Variants in ELL2 observed in about 807,000 individuals in gnomAD.
ELL2 encodes elongation factor for RNA polymerase II 2.
Under a neutral mutation model 72.8 loss-of-function variants are expected in ELL2, and 21 were observed. The ratio of observed to expected loss-of-function variants is 0.29; its 90% CI spans 0.20 to 0.42. ELL2 has a LOEUF of 0.42. Among genes scored for constraint, ELL2 ranks in the 10% least tolerant of loss-of-function variants. The probability of loss-of-function intolerance (pLI) is 1.00; values close to 1 mark genes in which losing one functional copy is unlikely to be tolerated. For missense variants in ELL2, 568 were observed against 772.8 expected (o/e 0.73, Z 3.14); for synonymous variants, 266 against 283.2 (o/e 0.94, Z 0.61).
Position 95,906,651 on chromosome 5 carries a change from G to A in ELL2, c.613C>T (p.Pro205Ser), listed in dbSNP as rs915979908. 6.2e-7 allele frequency: 1 copy of A among 1,613,972 alleles called. No individual in the cohort carries two copies. Among genetic ancestry groups the A allele is most frequent in the African/African-American group, 1.3e-5 (1 of 74,898 alleles). ...AAGTGAATCACCCTGTCCCTGTATG[G>A]CCTCTGAGAGATGGTGCTGCTGCTA... Reference protein sequence around the residue: ...THSSSTISQRPYRDRVIHLLA... With the variant: ...THSSSTISQRSYRDRVIHLLA... Residue 205 changes from proline to serine, a missense_variant, in exon 5 of 12, where the codon CCA becomes TCA. Physicochemically the swap from Pro to Ser is moderately conservative, Grantham distance 74. Transcript: ENST00000237853.
Position 95,888,720 on chromosome 5 carries a change from A to G in ELL2, c.*151T>C, listed in dbSNP as rs1748547573. 1.9e-6 allele frequency: 1 copy of G among 528,422 alleles called. No individual in the cohort carries two copies. Among genetic ancestry groups the G allele is most frequent in the Admixed American group, 4.0e-5 (1 of 25,152 alleles). 32.7% of individuals were successfully genotyped at this position (528,422 alleles called of 1,614,324 possible). A position where few individuals can be genotyped will look rare whatever the true frequency, so the allele number is the denominator to read the frequency against. On this transcript the variant is annotated 3_prime_UTR_variant, in exon 12 of 12. Coordinates refer to ENST00000237853, the MANE Select transcript of ELL2 (RefSeq NM_012081.6). Reference sequence around the variant, plus strand: ...GCAGCTTCGAAATGCAGGGAAGCAAAGTAAAATGGAAAAGAAAAAGTAACT... The same window carrying G: ...GCAGCTTCGAAATGCAGGGAAGCAAGGTAAAATGGAAAAGAAAAAGTAACT...
Position 95,927,406 on chromosome 5 carries a change from CACGT to C in ELL2, c.196-7865_196-7862del, listed in dbSNP as rs1365755330. Among the ~76,000 whole-genome samples, 4 of 43,772 alleles carry C rather than the reference CACGT, an allele frequency of 9.1e-5. 2 individuals carry two copies. Among genetic ancestry groups the C allele is most frequent in the Non-Finnish European group, 1.6e-4 (4 of 25,502 alleles). The allele number at this position is 43,772 out of a possible 152,430, so 28.7% of individuals were successfully genotyped here. A position where few individuals can be genotyped will look rare whatever the true frequency, so the allele number is the denominator to read the frequency against. On this transcript the variant is annotated intron_variant, in intron 2 of 11. Transcript: ENST00000237853. ...ACGTGTGTATATATAGACATACACA[CACGT>C]GTGTATATAGACATACACACACACG... is the stretch of plus-strand genomic sequence containing the variant.
intron 1 of ELL2, among the ~76,000 whole-genome samples, chr5:95,944,307 C>A (rs942582589): frequency 1.4e-4 from 21 of 152,116 alleles, no homozygotes; most frequent in African/African-American, 5.1e-4. Flanking sequence ...AAACAAATAT[C>A]TTCTTGGAGA....
intron 8 of ELL2, among the ~76,000 whole-genome samples, chr5:95,896,561 T>C (rs1372235266): frequency 2.0e-5 from 3 of 152,218 alleles, no homozygotes; most frequent in Non-Finnish European, 4.4e-5. Flanking sequence ...ACATAGACTC[T>C]GAGTGCATGC....
At chr5:95,949,577 G>A (rs949785623) in intron 1 of ELL2, among the ~76,000 whole-genome samples, 2 of 151,810 alleles carry the variant, frequency 1.3e-5, no homozygotes, top group African/African-American at 4.8e-5. Flanking sequence ...GTTAACTCTT[G>A]AATTATTCTT....
At chr5:95,957,632 T>C (rs1001213817) in intron 1 of ELL2, among the ~76,000 whole-genome samples, 1 of 152,212 alleles carries the variant, frequency 6.6e-6, no homozygotes, top group African/African-American at 2.4e-5. Flanking sequence ...ACTCCAACTA[T>C]AACTCTCATT....
In ELL2 at chr5:95,898,666, G is replaced by T. The variant is rs576028985; in HGVS notation, c.1099C>A (p.Pro367Thr). Residue 367 changes from proline to threonine, a missense_variant, in exon 8 of 12, where the codon CCT becomes ACT. Around this residue, in one of 2 missense-constraint regions of ELL2, gnomAD observed 511 missense variants for 728.4 expected, o/e 0.70. Transcript: ENST00000237853. ...GGGGTAGGGATGGCAGCAGCCGCAG[G>T]GGGCAGCGGGAGGCCTGCAGCAGAT... ...EKSAAGLPLP[P>T]AAAAIPTPPP... The T allele has an allele frequency of 2.5e-6, 4 of 1,613,014 alleles. No individual in the cohort carries two copies. Among genetic ancestry groups the T allele is most frequent in the Non-Finnish European group, 3.4e-6 (4 of 1,179,444 alleles).
chr5:95,927,489 G>GTA (rs756689250), intron 2 of ELL2, among the ~76,000 whole-genome samples: 3 of 29,512 alleles, frequency 1.0e-4, no homozygotes, highest in African/African-American at 7.0e-4. Flanking sequence ...ACACACGTGT[G>GTA]TATATAGACA....
Position 95,898,544 on chromosome 5 carries a change from A to G in ELL2, c.1221T>C (p.Thr407=), listed in dbSNP as rs752242129. 1.2e-6 allele frequency: 2 copies of G among 1,614,088 alleles called. No individual in the cohort carries two copies. The highest frequency in any genetic ancestry group is 1.7e-6 in the Non-Finnish European group (2 of 1,180,036). The change falls in exon 8 of 12, where the codon ACT becomes ACC. Residue 407 remains threonine, a synonymous_variant. Coordinates refer to ENST00000237853, the MANE Select transcript of ELL2 (RefSeq NM_012081.6). ...TAAAACTGTCAACAGGTAGGTCTTG[A>G]GTCCCCCGGCCTTCTGGAGTGCTAG... ...NSPSTPEGRG[T]QDLPVDSFSQ...
chr5:95,915,856 T>A (rs962012949), intron 3 of ELL2, among the ~76,000 whole-genome samples: 1 of 151,916 alleles, frequency 6.6e-6, no homozygotes, highest in Non-Finnish European at 1.5e-5. Context: ...GAAGAGGGAA[T>A]GAGAAATACA....
chr5:95,958,376 T>A (rs1195820895), intron 1 of ELL2, among the ~76,000 whole-genome samples: 1 of 152,212 alleles, frequency 6.6e-6, no homozygotes. Flanking sequence ...TAGCAACTCT[T>A]ACTGTGCCCA....
intron 2 of ELL2, among the ~76,000 whole-genome samples, chr5:95,925,101 A>G (rs1219735173): frequency 6.6e-6 from 1 of 152,198 alleles, no homozygotes; most frequent in Non-Finnish European, 1.5e-5. Flanking sequence ...TAAAAATAGA[A>G]CCAGCAAGGG....
At chr5:95,914,031 A>C in intron 3 of ELL2, 97 bp from the exon 4 acceptor site, 1 of 1,133,674 alleles carries the variant, frequency 8.8e-7, no homozygotes, top group Non-Finnish European at 1.2e-6. Context: ...CAGCCCAACT[A>C]AGTTTGCAAT....
At chr5:95,950,919 T>TATATAC (rs1751361085) in intron 1 of ELL2, among the ~76,000 whole-genome samples, 1 of 97,784 alleles carries the variant, frequency 1.0e-5, no homozygotes, top group African/African-American at 5.8e-5. Flanking sequence ...TATATATATA[T>TATATAC]ATATATATAT....
At chr5:95,916,380 A>G (rs923324245) in intron 3 of ELL2, among the ~76,000 whole-genome samples, 7 of 152,162 alleles carry the variant, frequency 4.6e-5, no homozygotes, top group Admixed American at 2.6e-4. Context: ...CCAACTGTGA[A>G]GAACACTAGT....
intron 1 of ELL2, among the ~76,000 whole-genome samples, chr5:95,956,170 T>G (rs1004882490): frequency 6.6e-6 from 1 of 152,178 alleles, no homozygotes; most frequent in African/African-American, 2.4e-5. Flanking sequence ...TTCACATATG[T>G]TCTTTCTTTC....
intron 1 of ELL2, among the ~76,000 whole-genome samples, chr5:95,955,795 A>G (rs529365436): frequency 8.6e-4 from 131 of 152,090 alleles, no homozygotes; most frequent in African/African-American, 2.9e-3. Flanking sequence ...TGTCCATAAT[A>G]TCACATTTTA....
chr5:95,950,916 A>G (rs1376647374), intron 1 of ELL2, among the ~76,000 whole-genome samples: 10 of 85,168 alleles, frequency 1.2e-4, no homozygotes, highest in East Asian at 2.6e-4. Context: ...ATATATATAT[A>G]TATATATATA....
intron 7 of ELL2, among the ~76,000 whole-genome samples, chr5:95,899,311 T>C (rs975235799): frequency 6.6e-6 from 1 of 152,242 alleles, no homozygotes; most frequent in Non-Finnish European, 1.5e-5. Context: ...CCTGCACTTA[T>C]TTTAATCTTT....
Sources: gnomAD v4.1 joint callset for allele counts (sites outside exome capture counted in the v4.1 genomes callset) on GRCh38, gnomAD v4.1.1 for gene constraint, gnomAD v4.1.1 regional missense constraint, MANE v1.5 for transcripts, NCBI Gene and HGNC (gene_info 2026-07-23, HGNC 2026-07-21) for gene names.